SSBP3: variants seen among roughly 807,000 people sequenced by gnomAD.
SSBP3 encodes the protein single stranded DNA binding protein 3.
A neutral mutation model predicts 69.6 loss-of-function variants in SSBP3; 5 were observed. The ratio of observed to expected loss-of-function variants is 0.07; its 90% CI spans 0.04 to 0.15. The LOEUF (loss-of-function observed/expected upper bound fraction) is 0.15. Among genes scored for constraint, SSBP3 ranks in the 10% least tolerant of loss-of-function variants. SSBP3 has a pLI of 1.00. For missense variants in SSBP3, 312 were observed against 534.0 expected (o/e 0.58, Z 4.10); for synonymous variants, 196 against 193.4 (o/e 1.01, Z -0.11).
chr1:54,401,494 T>C (rs1346797933), intron 4 of SSBP3, among the ~76,000 whole-genome samples: 3 of 152,170 alleles, frequency 2.0e-5, no homozygotes, highest in African/African-American at 7.2e-5. Context: ...AGTTTCCTAT[T>C]GGCTTTTGTT....
At chr1:54,282,068 T>TAATAATAAA (rs202211275) in intron 4 of SSBP3, among the ~76,000 whole-genome samples, 1 of 150,802 alleles carries the variant, frequency 6.6e-6, no homozygotes, top group African/African-American at 2.4e-5. Context: ...ATAATAATAA[T>TAATAATAAA]AATAAAAAAA....
chr1:54,350,529 C>G (rs1036982032), intron 4 of SSBP3, among the ~76,000 whole-genome samples: 1 of 152,214 alleles, frequency 6.6e-6, no homozygotes. Flanking sequence ...GAGATTTATA[C>G]GCGTATGGCC....
chr1:54,254,455 G>A (rs536352586), intron 7 of SSBP3, among the ~76,000 whole-genome samples: 1 of 152,326 alleles, frequency 6.6e-6, no homozygotes, highest in South Asian at 2.1e-4. Context: ...TGAAAAAACA[G>A]CAACTCTCTA....
At chr1:54,270,365 G>A (rs113913202) in intron 5 of SSBP3, among the ~76,000 whole-genome samples, 2,342 of 152,240 alleles carry the variant, frequency 0.015, 31 homozygotes, top group African/African-American at 0.024. Context: ...GACCTCCCCC[G>A]GCAGCTCCTG....
intron 4 of SSBP3, among the ~76,000 whole-genome samples, chr1:54,343,177 T>C (rs555642909): frequency 1.3e-5 from 2 of 152,162 alleles, no homozygotes; most frequent in Non-Finnish European, 2.9e-5. Flanking sequence ...CTCTGCCGCT[T>C]TTCATATTGC....
At chr1:54,298,222 G>A (rs1569683927) in intron 4 of SSBP3, among the ~76,000 whole-genome samples, 1 of 152,234 alleles carries the variant, frequency 6.6e-6, no homozygotes, top group East Asian at 1.9e-4. Flanking sequence ...ACAGAAGAGC[G>A]CTGCCCTGCC....
intron 14 of SSBP3, among the ~76,000 whole-genome samples, chr1:54,234,184 C>G (rs1396730136): frequency 6.6e-6 from 1 of 151,186 alleles, no homozygotes; most frequent in South Asian, 2.1e-4. Context: ...TCCCTAATCT[C>G]AAGTAATCAG....
Position 54,238,925 on chromosome 1 carries a change from C to T in SSBP3, c.927+204G>A, listed in dbSNP as rs993056336. 7.6e-5 allele frequency: 29 copies of T among 382,872 alleles called. 1 individual carries two copies. Among genetic ancestry groups the T allele is most frequent in the Non-Finnish European group, 1.3e-4 (24 of 190,550 alleles). 23.7% of individuals were successfully genotyped at this position (382,872 alleles called of 1,614,324 possible). ...GCTCTAACCAGAGGGTGGGCATCGTCCCACCCCTTCCTCTCCCACCCCCTG... is the reference window on the plus strand; with the variant it reads ...GCTCTAACCAGAGGGTGGGCATCGTTCCACCCCTTCCTCTCCCACCCCCTG... On this transcript the variant is annotated intron_variant, in intron 14 of 17. Coordinates refer to ENST00000610401, the Ensembl canonical transcript of SSBP3.
At chr1:54,298,227 C>T (rs1342890003) in intron 4 of SSBP3, among the ~76,000 whole-genome samples, 1 of 152,124 alleles carries the variant, frequency 6.6e-6, no homozygotes, top group Non-Finnish European at 1.5e-5. Context: ...AGAGCGCTGC[C>T]CTGCCCCACT....
intron 4 of SSBP3, among the ~76,000 whole-genome samples, chr1:54,397,053 G>C (rs936658174): frequency 1.3e-5 from 2 of 152,252 alleles, no homozygotes; most frequent in Non-Finnish European, 2.9e-5. Flanking sequence ...GCTCCAAGGG[G>C]AATGGGGGAG....
At chr1:54,380,843 G>A (rs866350011) in intron 4 of SSBP3, among the ~76,000 whole-genome samples, 19 of 152,248 alleles carry the variant, frequency 1.2e-4, no homozygotes, top group South Asian at 4.1e-4. Context: ...ATATTAGGCA[G>A]GGCATGATGG....
At position 54,227,189 on chromosome 1, in the gene SSBP3, G is replaced by GT. The variant is rs372034987; in HGVS notation, c.1138-30_1138-29insA. 1.8e-5 allele frequency: 21 copies of GT among 1,178,528 alleles called. 1 individual carries two copies. In the Middle Eastern group the frequency reaches 6.1e-4, roughly 34 times the overall value. 73.0% of individuals were successfully genotyped at this position (1,178,528 alleles called of 1,614,324 possible). A position where few individuals can be genotyped will look rare whatever the true frequency, so the allele number is the denominator to read the frequency against. On this transcript the variant is annotated intron_variant, in intron 17 of 17. Coordinates refer to ENST00000610401, the Ensembl canonical transcript of SSBP3. ...GAAAGGAGAAGCAGAGAAGGGGGGG[G>GT]GGTGAGGATTGTGGGGAGGCCGCTG...
chr1:54,366,433 C>T (rs191076926), intron 4 of SSBP3, among the ~76,000 whole-genome samples: 1 of 152,274 alleles, frequency 6.6e-6, no homozygotes, highest in East Asian at 1.9e-4. Context: ...CTTGATCTCT[C>T]TAGGATAAGC....
At chr1:54,381,166 T>C (rs1647604766) in intron 4 of SSBP3, among the ~76,000 whole-genome samples, 1 of 152,032 alleles carries the variant, frequency 6.6e-6, no homozygotes, top group East Asian at 1.9e-4. Context: ...TGGTGGATCA[T>C]GAGGTCAGGT....
chr1:54,342,293 T>G (rs2100529735), intron 4 of SSBP3, among the ~76,000 whole-genome samples: 1 of 152,358 alleles, frequency 6.6e-6, no homozygotes, highest in African/African-American at 2.4e-5. Context: ...TCACTTCTTA[T>G]TTTTATTTGT....
At chr1:54,316,665 T>TAA (rs1378398010) in intron 4 of SSBP3, among the ~76,000 whole-genome samples, 1,494 of 20,624 alleles carry the variant, frequency 0.072, 256 homozygotes, top group African/African-American at 0.17. Flanking sequence ...AAAAATAAAA[T>TAA]AAATAAATAA....
intron 5 of SSBP3, among the ~76,000 whole-genome samples, chr1:54,259,961 A>T (rs1253593152): frequency 6.6e-6 from 1 of 152,224 alleles, no homozygotes; most frequent in Non-Finnish European, 1.5e-5. Flanking sequence ...CCATTTAGCA[A>T]TTTTGCAAGC....
chr1:54,240,035 T>C (rs1390936776), intron 13 of SSBP3, among the ~76,000 whole-genome samples: 1 of 148,704 alleles, frequency 6.7e-6, no homozygotes, highest in East Asian at 2.0e-4. Flanking sequence ...GAAAGAAACA[T>C]AATTGTGATG....
Position 54,307,585 on chromosome 1 carries a change from G to A in SSBP3, c.277-26058C>T, listed in dbSNP as rs1645923287. 3.9e-5 allele frequency among the ~76,000 whole-genome samples: 6 copies of A among 152,222 alleles called. No homozygotes were observed. The South Asian group carries it at 1.2e-3, about 32-fold the overall frequency. The stretch of plus-strand genomic sequence containing the variant: ...ATCTTGAAAAGGAGCTGGGTAAGAT[G>A]AGGCTGAAACCTACTGAGCTGCATT... On this transcript the variant is annotated intron_variant, in intron 4 of 17. Coordinates refer to ENST00000610401, the Ensembl canonical transcript of SSBP3.
Sources: gnomAD v4.1 joint callset for allele counts (sites outside exome capture counted in the v4.1 genomes callset) on GRCh38, gnomAD v4.1.1 for gene constraint, MANE v1.5 for transcripts, NCBI Gene and HGNC (gene_info 2026-07-23, HGNC 2026-07-21) for gene names.